DLC1: variants seen among roughly 807,000 people sequenced by gnomAD.
DLC1 encodes the protein DLC1 Rho GTPase activating protein, also known as rho GTPase-activating protein 7.
A neutral mutation model predicts 140.3 loss-of-function variants in DLC1; 54 were observed. The ratio of observed to expected loss-of-function variants is 0.38; its 90% confidence interval spans 0.31 to 0.48. DLC1 has a LOEUF of 0.48. DLC1 is among the 20% of genes least tolerant of loss of function. The probability of loss-of-function intolerance (pLI) is 0.96; values close to 1 mark genes in which losing one functional copy is unlikely to be tolerated. For synonymous variants in DLC1, 986 were observed against 728.1 expected (o/e 1.35, Z -5.70); for missense variants, 2,536 against 1,907.0 (o/e 1.33, Z -6.14).
intron 13 of DLC1, among the ~76,000 whole-genome samples, chr8:13,091,763 A>G (rs1265258244): frequency 3.3e-5 from 5 of 152,098 alleles, no homozygotes; most frequent in Non-Finnish European, 7.4e-5. Context: ...GTGGGAAAGG[A>G]GTCCCAGGGA....
intron 4 of DLC1, among the ~76,000 whole-genome samples, chr8:13,306,893 G>C (rs1056856389): frequency 6.6e-6 from 1 of 151,558 alleles, no homozygotes; most frequent in Non-Finnish European, 1.5e-5. Context: ...AGACCAGCCT[G>C]ACTAGCATGG....
chr8:13,426,570 G>A (rs1212606109), intron 2 of DLC1, among the ~76,000 whole-genome samples: 1 of 152,060 alleles, frequency 6.6e-6, no homozygotes, highest in East Asian at 1.9e-4. Flanking sequence ...TCTTTTCTCA[G>A]AAGGTCCCAG....
At chr8:13,397,095 T>G (rs572672812) in intron 3 of DLC1, among the ~76,000 whole-genome samples, 1 of 152,086 alleles carries the variant, frequency 6.6e-6, no homozygotes, top group Non-Finnish European at 1.5e-5. Flanking sequence ...GACTCCAGTG[T>G]GATGTGTGCT....
intron 1 of DLC1, among the ~76,000 whole-genome samples, chr8:13,513,850 A>G (rs1363056123): frequency 6.6e-6 from 1 of 152,212 alleles, no homozygotes; most frequent in African/African-American, 2.4e-5. Flanking sequence ...TAAAAGAGTT[A>G]TAATGAGTGT....
At chr8:13,512,141 C>T (rs1802400508) in intron 1 of DLC1, among the ~76,000 whole-genome samples, 1 of 151,882 alleles carries the variant, frequency 6.6e-6, no homozygotes, top group Non-Finnish European at 1.5e-5. Flanking sequence ...TTTCTCATTC[C>T]AATAATGTAG....
At chr8:13,250,145 G>A (rs777201422) in intron 5 of DLC1, among the ~76,000 whole-genome samples, 67 of 152,194 alleles carry the variant, frequency 4.4e-4, no homozygotes, top group Non-Finnish European at 8.8e-4. Flanking sequence ...GGATCAATAC[G>A]TACTTGTTAA....
chr8:13,115,179 G>A (rs976313141), intron 6 of DLC1, among the ~76,000 whole-genome samples: 2 of 152,044 alleles, frequency 1.3e-5, no homozygotes, highest in Admixed American at 6.6e-5. Flanking sequence ...GGCCCATACA[G>A]TATAGAAGAA....
At chr8:13,241,777 A>G (rs936556984) in intron 5 of DLC1, among the ~76,000 whole-genome samples, 43 of 152,268 alleles carry the variant, frequency 2.8e-4, no homozygotes, top group African/African-American at 9.9e-4. Flanking sequence ...CACAAGAGGC[A>G]TTAACACGCT....
intron 5 of DLC1, among the ~76,000 whole-genome samples, chr8:13,243,267 G>C (rs894200785): frequency 8.3e-5 from 12 of 145,132 alleles, no homozygotes; most frequent in African/African-American, 2.9e-4. Flanking sequence ...TCCAGCCTGG[G>C]TGACAAGAGT....
At chr8:13,341,503 C>G (rs1466143949) in intron 4 of DLC1, 1 of 152,166 alleles carries the variant, frequency 6.6e-6, no homozygotes, top group Non-Finnish European at 1.5e-5. Flanking sequence ...TAATTTCTGA[C>G]AGTTCCTCGA....
intron 4 of DLC1, among the ~76,000 whole-genome samples, chr8:13,377,464 C>G (rs745937860): frequency 1.1e-4 from 17 of 152,086 alleles, no homozygotes; most frequent in Non-Finnish European, 2.4e-4. Context: ...TTATAAACTA[C>G]TATAAACATA....
In DLC1 at chr8:13,351,667, T is replaced by A. The variant is rs552751647; in HGVS notation, c.1314+41886A>T. 7.9e-5 allele frequency among the ~76,000 whole-genome samples: 12 copies of A among 152,332 alleles called. No individual in the cohort carries two copies. The South Asian group carries it at 2.5e-3, about 32-fold the overall frequency. ...TGACGTCTGCACTACAACAGCAGAA[T>A]TGAATACGTGGGACAGAGACTGGAG... On this transcript the variant is annotated intron_variant, in intron 4 of 17. Coordinates refer to ENST00000276297, the MANE Select transcript of DLC1 (RefSeq NM_182643.3).
At chr8:13,292,199 C>T (rs1255910512) in intron 5 of DLC1, among the ~76,000 whole-genome samples, 1 of 152,020 alleles carries the variant, frequency 6.6e-6, no homozygotes, top group Non-Finnish European at 1.5e-5. Context: ...GTTGGAGTAT[C>T]TCCTTTTGGA....
chr8:13,353,889 C>G (rs1349639262), intron 4 of DLC1, among the ~76,000 whole-genome samples: 1 of 151,526 alleles, frequency 6.6e-6, no homozygotes, highest in East Asian at 1.9e-4. Flanking sequence ...TTCTCAAATA[C>G]TTTGTAACGT....
chr8:13,192,520 C>T (rs1826819617), intron 5 of DLC1, among the ~76,000 whole-genome samples: 2 of 152,134 alleles, frequency 1.3e-5, no homozygotes, highest in Admixed American at 1.3e-4. Context: ...ACAGCTTCTC[C>T]TCTCCCCCAG....
At chr8:13,182,259 A>T (rs960564533) in intron 5 of DLC1, among the ~76,000 whole-genome samples, 5 of 151,380 alleles carry the variant, frequency 3.3e-5, no homozygotes, top group African/African-American at 1.2e-4. Flanking sequence ...ATTTTCTCTT[A>T]TTCTGTAGGT....
At chr8:13,183,830 T>A (rs1266412767) in intron 5 of DLC1, among the ~76,000 whole-genome samples, 3 of 152,206 alleles carry the variant, frequency 2.0e-5, no homozygotes, top group Admixed American at 2.0e-4. Flanking sequence ...GCTGGCCTCA[T>A]AAAATGAGTT....
chr8:13,401,636 T>C lies in DLC1; in HGVS notation c.1024-17A>G, dbSNP rs368127259. ...TCTTATTTCCTGAGGAACAGAACAT[T>C]TTGTTACTGAATCTGAAAGGCCATT... On this transcript the variant is annotated splice_polypyrimidine_tract_variant and intron_variant, in intron 2 of 17. Transcript: ENST00000276297. 23 of 1,600,774 alleles carry C rather than the reference T, an allele frequency of 1.4e-5. No homozygotes were observed. The highest frequency in any genetic ancestry group is 1.9e-5 in the Non-Finnish European group (22 of 1,173,750).
chr8:13,288,649 C>T (rs1340244567), intron 5 of DLC1, among the ~76,000 whole-genome samples: 2 of 152,226 alleles, frequency 1.3e-5, no homozygotes, highest in African/African-American at 4.8e-5. Context: ...TCAGCATCCT[C>T]AAAGGATGTG....
Sources: gnomAD v4.1 joint callset for allele counts (sites outside exome capture counted in the v4.1 genomes callset) on GRCh38, gnomAD v4.1.1 for gene constraint, MANE v1.5 for transcripts, NCBI Gene and HGNC (gene_info 2026-07-23, HGNC 2026-07-21) for gene names.